The following FRMD3 variants were observed in gnomAD, a reference collection of about 807,000 sequenced individuals.
FRMD3 encodes the protein FERM domain containing 3, also known as FERM domain-containing protein 3.
In FRMD3, 33 loss-of-function variants were observed where a neutral mutation model predicts 70.2. That is an observed-to-expected ratio of 0.47 (90% confidence interval 0.36 to 0.63). FRMD3 has a LOEUF of 0.63. Among genes scored for constraint, FRMD3 ranks in the 20% least tolerant of loss-of-function variants. FRMD3 has a pLI of 0.00. For missense variants in FRMD3, 632 were observed against 711.4 expected, an observed-to-expected ratio of 0.89 and a Z score of 1.27; for synonymous variants, 279 against 255.9, an observed-to-expected ratio of 1.09 and a Z score of -0.86.
chr9:83,332,594 T>C (rs1343041055), intron 6 of FRMD3, among the ~76,000 whole-genome samples: 1 of 152,204 alleles, frequency 6.6e-6, no homozygotes, highest in Non-Finnish European at 1.5e-5. Flanking sequence ...ATAAAAAGGC[T>C]GGGAGAAGGT....
At chr9:83,515,159 T>C (rs1398904311) in intron 1 of FRMD3, among the ~76,000 whole-genome samples, 1 of 152,124 alleles carries the variant, frequency 6.6e-6, no homozygotes, top group Admixed American at 6.5e-5. Flanking sequence ...TGGTGAGTAA[T>C]AACAAACTCC....
intron 1 of FRMD3, among the ~76,000 whole-genome samples, chr9:83,526,959 C>T (rs1829697635): frequency 1.3e-5 from 2 of 151,696 alleles, no homozygotes; most frequent in African/African-American, 2.4e-5. Context: ...AAGCAAACAG[C>T]TCAGCTCCAG....
chr9:83,497,952 A>T (rs1021589751), intron 1 of FRMD3, among the ~76,000 whole-genome samples: 12 of 152,220 alleles, frequency 7.9e-5, no homozygotes, highest in African/African-American at 2.9e-4. Context: ...GTTTGAGACC[A>T]GCCTGGTCAA....
intron 3 of FRMD3, among the ~76,000 whole-genome samples, chr9:83,361,521 C>G (rs1304895921): frequency 6.6e-6 from 1 of 151,984 alleles, no homozygotes; most frequent in East Asian, 1.9e-4. Flanking sequence ...AAGCATGTGA[C>G]CAAGGTCAGC....
chr9:83,428,509 C>CCACA (rs141897507), intron 1 of FRMD3, among the ~76,000 whole-genome samples: 132 of 151,112 alleles, frequency 8.7e-4, no homozygotes, highest in Admixed American at 2.8e-3. Flanking sequence ...CACATATAAA[C>CCACA]CACACACACA....
intron 1 of FRMD3, among the ~76,000 whole-genome samples, chr9:83,514,726 CT>C (rs1478490720): frequency 6.6e-6 from 1 of 152,208 alleles, no homozygotes; most frequent in African/African-American, 2.4e-5. Context: ...TGGCTGGCAT[CT>C]GGCAGATGCC....
intron 6 of FRMD3, among the ~76,000 whole-genome samples, chr9:83,329,759 A>G (rs944985948): frequency 3.9e-5 from 6 of 152,210 alleles, no homozygotes; most frequent in African/African-American, 1.4e-4. Context: ...CTTCATCAAA[A>G]CTGCTTTACT....
intron 1 of FRMD3, among the ~76,000 whole-genome samples, chr9:83,488,303 A>G (rs769539782): frequency 6.6e-6 from 1 of 152,234 alleles, no homozygotes; most frequent in Non-Finnish European, 1.5e-5. Flanking sequence ...GAAGGACAAA[A>G]ATATAAGCAT....
chr9:83,373,179 A>G (rs1272730856), intron 2 of FRMD3, among the ~76,000 whole-genome samples: 2 of 152,226 alleles, frequency 1.3e-5, no homozygotes, highest in African/African-American at 4.8e-5. Flanking sequence ...TGTGAGTCAG[A>G]CAGTTGCTAG....
At chr9:83,458,016 A>C (rs1205104547) in intron 1 of FRMD3, among the ~76,000 whole-genome samples, 5 of 151,262 alleles carry the variant, frequency 3.3e-5, no homozygotes, top group East Asian at 1.9e-4. Context: ...AAAAAAAAAA[A>C]AAAAAACAGG....
intron 3 of FRMD3, 62 bp from the exon 4 acceptor site, chr9:83,349,819 A>G (rs982844007): frequency 1.6e-5 from 20 of 1,264,840 alleles, no homozygotes; most frequent in Non-Finnish European, 2.2e-5. Flanking sequence ...TCAAACACAC[A>G]CGGGAAAGGC....
intron 3 of FRMD3, among the ~76,000 whole-genome samples, chr9:83,370,723 C>T (rs1205667852): frequency 6.6e-6 from 1 of 152,110 alleles, no homozygotes; most frequent in African/African-American, 2.4e-5. Flanking sequence ...ACCAGCCTGG[C>T]CAACATGGTG....
Position 83,315,574 on chromosome 9 carries a change from C to T in FRMD3, c.597-1827G>A, listed in dbSNP as rs139603829. ...TAGCACCTCCCCCTGCTCTCTCTTC[C>T]TCAGGCTCCAGCCACATAAGATGTG... On this transcript the variant is annotated intron_variant, in intron 6 of 13. Coordinates refer to ENST00000304195, the MANE Select transcript of FRMD3 (RefSeq NM_174938.6). 1.5e-3 allele frequency among the ~76,000 whole-genome samples: 223 copies of T among 152,290 alleles called. 3 individuals are homozygous for T. In the Middle Eastern group the frequency reaches 0.024, roughly 16 times the overall value.
At chr9:83,262,042 G>C (rs916812483) in intron 13 of FRMD3, among the ~76,000 whole-genome samples, 3 of 152,150 alleles carry the variant, frequency 2.0e-5, no homozygotes, top group Non-Finnish European at 4.4e-5. Flanking sequence ...GCAAGGTCCT[G>C]AATAGAAGAA....
chr9:83,503,836 C>T (rs1161209255), intron 1 of FRMD3, among the ~76,000 whole-genome samples: 1 of 152,194 alleles, frequency 6.6e-6, no homozygotes, highest in African/African-American at 2.4e-5. Context: ...AAAGCAGCAC[C>T]ACAGTTGAAA....
rs757569994 is a variant in FRMD3 at position 83,290,694 on chromosome 9, G to A, written c.1104C>T (p.Ser368=). ...ANITQSRSSH[S]LNKQLIINME... The stretch of plus-strand genomic sequence containing the variant: ...TGTTAATGATGAGCTGTTTGTTCAA[G>A]GAGTGGGAACTGCGGCTCTGAGTAA... Residue 368 remains serine (S), a synonymous_variant, in exon 13 of 14, where the codon TCC becomes TCT. Transcript: ENST00000304195. 8.7e-6 allele frequency: 14 copies of A among 1,613,692 alleles called. No individual in the cohort carries two copies. In the African/African-American group the frequency reaches 1.5e-4, roughly 17 times the overall value.
At chr9:83,541,548 G>A (rs527687934), upstream of FRMD3, among the ~76,000 whole-genome samples, 4 of 152,316 alleles carry the variant, frequency 2.6e-5, no homozygotes, top group East Asian at 7.7e-4. Flanking sequence ...ATTGGCAAAG[G>A]AAGGACTGCC....
Position 83,343,278 on chromosome 9 carries a change from TA to T in FRMD3, c.383del (p.Leu128TyrfsTer63). Reference protein sequence around the residue: ...KIKEELTRYLLYLQIKRDIFH... With the variant: ...KIKEELTRYLXYLQIKRDIFH... The stretch of plus-strand genomic sequence containing the variant: ...AAATGTCCCTTTTAATCTGAAGGTA[TA>T]AAAGGTATCTGCAATACAAAAGGAG... On this transcript the variant is annotated frameshift_variant, in exon 5 of 14. Coordinates refer to ENST00000304195, the MANE Select transcript of FRMD3 (RefSeq NM_174938.6). LOFTEE classifies it high-confidence loss of function. 1.9e-6 allele frequency: 3 copies of T among 1,610,490 alleles called. No homozygotes were observed. The highest frequency in any genetic ancestry group is 2.5e-6 in the Non-Finnish European group (3 of 1,176,712).
chr9:83,495,756 A>G (rs1162585194), intron 1 of FRMD3, among the ~76,000 whole-genome samples: 4 of 152,190 alleles, frequency 2.6e-5, no homozygotes, highest in Non-Finnish European at 5.9e-5. Flanking sequence ...GACCAAAACA[A>G]CATGGCTATT....
Sources: gnomAD v4.1 joint callset for allele counts (sites outside exome capture counted in the v4.1 genomes callset) on GRCh38, gnomAD v4.1.1 for gene constraint, MANE v1.5 for transcripts, NCBI Gene and HGNC (gene_info 2026-07-23, HGNC 2026-07-21) for gene names.